CAP2: variants seen among roughly 807,000 people sequenced by gnomAD.
CAP2 encodes adenylyl cyclase-associated protein 2.
In CAP2, 24 loss-of-function variants were observed where a neutral mutation model predicts 57.7. The ratio of observed to expected loss-of-function variants is 0.42; its 90% CI spans 0.30 to 0.58. CAP2 has a LOEUF of 0.58. CAP2 is among the 20% of genes least tolerant of loss of function. CAP2 has a pLI of 0.22. For missense variants in CAP2, 501 were observed against 590.3 expected (o/e 0.85, Z 1.57); for synonymous variants, 194 against 207.2 (o/e 0.94, Z 0.55).
At chr6:17,530,791 TA>T (rs1390214033) in intron 7 of CAP2, 19 of 554,014 alleles carry the variant, frequency 3.4e-5, no homozygotes, top group South Asian at 2.8e-4. Context: ...TGTCAGGTGA[TA>T]TTTTTTTCAT....
At chr6:17,467,658 G>T (rs1760902938) in intron 4 of CAP2, among the ~76,000 whole-genome samples, 1 of 151,940 alleles carries the variant, frequency 6.6e-6, no homozygotes, top group East Asian at 1.9e-4. Context: ...TGAGTAGCTG[G>T]GATTATAGGC....
intron 1 of CAP2, among the ~76,000 whole-genome samples, chr6:17,409,829 A>ACCT (rs1369699396): frequency 6.6e-6 from 1 of 151,632 alleles, no homozygotes; most frequent in Non-Finnish European, 1.5e-5. Flanking sequence ...TTCCCTCCAA[A>ACCT]CCTCCAACCA....
At chr6:17,470,966 G>A (rs1440538056) in intron 4 of CAP2, among the ~76,000 whole-genome samples, 4 of 152,106 alleles carry the variant, frequency 2.6e-5, no homozygotes, top group South Asian at 2.1e-4. Flanking sequence ...GTATGTATGC[G>A]ATATTTCAAA....
intron 1 of CAP2, among the ~76,000 whole-genome samples, chr6:17,395,031 T>G (rs1245779526): frequency 6.6e-6 from 1 of 152,180 alleles, no homozygotes; most frequent in Non-Finnish European, 1.5e-5. Context: ...AAATTCTTAA[T>G]AACATTACAA....
At chr6:17,548,038 CA>C (rs1763091142) in intron 11 of CAP2, among the ~76,000 whole-genome samples, 1 of 151,870 alleles carries the variant, frequency 6.6e-6, no homozygotes, top group East Asian at 1.9e-4. Context: ...ATGCAAAAAT[CA>C]ATAGCATTTC....
At chr6:17,411,241 A>G (rs528314754) in intron 1 of CAP2, among the ~76,000 whole-genome samples, 15 of 152,228 alleles carry the variant, frequency 9.9e-5, no homozygotes, top group Admixed American at 9.2e-4. Flanking sequence ...GCTATTATGA[A>G]CAGTGCTGCT....
At chr6:17,550,340 G>T (rs571655695) in intron 11 of CAP2, among the ~76,000 whole-genome samples, 18 of 144,914 alleles carry the variant, frequency 1.2e-4, no homozygotes, top group Admixed American at 2.8e-4. Context: ...TATATGTGCT[G>T]TATTATTATT....
intron 1 of CAP2, among the ~76,000 whole-genome samples, chr6:17,415,201 A>C (rs1280675239): frequency 1.3e-5 from 2 of 152,254 alleles, no homozygotes; most frequent in Non-Finnish European, 2.9e-5. Context: ...TTCAGCTAGC[A>C]ATCAGGAAAC....
intron 4 of CAP2, among the ~76,000 whole-genome samples, chr6:17,472,716 G>A (rs1424795838): frequency 1.3e-5 from 2 of 152,200 alleles, no homozygotes; most frequent in South Asian, 2.1e-4. Flanking sequence ...AAACACCAAG[G>A]AAGGAAGGAG....
chr6:17,449,617 C>G (rs1389470684), intron 3 of CAP2, among the ~76,000 whole-genome samples: 1 of 152,032 alleles, frequency 6.6e-6, no homozygotes, highest in Admixed American at 6.6e-5. Flanking sequence ...CCATGTTGAC[C>G]AGGCTGGTCT....
rs149593171 is a variant in CAP2, at chr6:17,540,983, T to C, written c.837T>C (p.His279=). ...GTGTTGTCCTCCTAGGGCTCCGCCA[T>C]GTCACAGATGACCAGAAGACATACA... ...QGEAITKGLR[H]VTDDQKTYKN... is the part of the protein sequence containing the mutation. The change falls in exon 9 of 13, where the codon CAT becomes CAC. Residue 279 remains histidine, a synonymous_variant. Coordinates refer to ENST00000229922, the MANE Select transcript of CAP2 (RefSeq NM_006366.3). The C allele has an allele frequency of 5.5e-5, 88 of 1,613,722 alleles. No individual in the cohort carries two copies. The highest frequency in any genetic ancestry group is 3.8e-4 in the Admixed American group (23 of 59,958).
intron 11 of CAP2, among the ~76,000 whole-genome samples, chr6:17,550,706 CTGAT>C (rs1161335165): frequency 6.6e-6 from 1 of 151,972 alleles, no homozygotes. Flanking sequence ...TGTCTGAAAA[CTGAT>C]TGTTAGAAGA....
intron 4 of CAP2, among the ~76,000 whole-genome samples, chr6:17,483,936 T>C (rs1444727285): frequency 6.6e-6 from 1 of 151,900 alleles, no homozygotes; most frequent in Admixed American, 6.6e-5. Flanking sequence ...TTCTCTCCTG[T>C]GTGCTTCTTG....
intron 4 of CAP2, among the ~76,000 whole-genome samples, chr6:17,466,808 G>A (rs575540769): frequency 1.3e-5 from 2 of 152,226 alleles, no homozygotes; most frequent in African/African-American, 2.4e-5. Context: ...CTGTAGCAAA[G>A]TAGGCCGTGT....
intron 10 of CAP2, 28 bp downstream of exon 10, chr6:17,542,988 A>G (rs779093953): frequency 2.4e-5 from 38 of 1,612,742 alleles, no homozygotes; most frequent in Non-Finnish European, 3.0e-5. Context: ...CTCTATGGTT[A>G]TTATGATGTT....
chr6:17,430,541 T>G (rs12174492), intron 3 of CAP2, among the ~76,000 whole-genome samples: 1 of 98,236 alleles, frequency 1.0e-5, no homozygotes, highest in Non-Finnish European at 1.9e-5. Flanking sequence ...TGACTTTGGG[T>G]TTTTTTTTTT....
rs1762627531 is a variant in CAP2 at position 17,531,079 on chromosome 6, C to G, written c.637-8190C>G. ...GTATAGATCTCATGAATCAGATCCT[C>G]CCTGCAGATGATGCCATATTTACCG... On this transcript the variant is annotated intron_variant, in intron 7 of 12. Coordinates refer to ENST00000229922, the MANE Select transcript of CAP2 (RefSeq NM_006366.3). 5.2e-6 allele frequency: 4 copies of G among 768,074 alleles called. No homozygotes were observed. In the Admixed American group the frequency reaches 6.9e-5, roughly 13 times the overall value. The allele number at this position is 768,074 out of a possible 1,614,324, so 47.6% of individuals were successfully genotyped here. A position where few individuals can be genotyped will look rare whatever the true frequency, so the allele number is the denominator to read the frequency against.
rs1353885380 is a variant in CAP2 at position 17,487,649 on chromosome 6, C to T, written c.301-19520C>T. ...CACGCCCGGCTAATTTTTGTATTTT[C>T]AGTAGAGACGGGGGTTTCACCATGT... is the stretch of plus-strand genomic sequence containing the variant. On this transcript the variant is annotated intron_variant, in intron 4 of 12. Transcript: ENST00000229922. Among the ~76,000 whole-genome samples the T allele has an allele frequency of 3.3e-5, 5 of 152,050 alleles. No homozygotes were observed. In the East Asian group the frequency reaches 9.7e-4, roughly 29 times the overall value.
At chr6:17,500,209 T>C (rs901053882) in intron 4 of CAP2, among the ~76,000 whole-genome samples, 10 of 150,702 alleles carry the variant, frequency 6.6e-5, no homozygotes, top group Admixed American at 4.0e-4. Context: ...GGGAAATACC[T>C]ACAATTGCAC....
Sources: allele counts gnomAD v4.1 joint callset (sites outside exome capture counted in the v4.1 genomes callset), GRCh38; gene constraint gnomAD v4.1.1; transcripts MANE v1.5; gene names NCBI Gene and HGNC (gene_info 2026-07-23, HGNC 2026-07-21).